The following NHSL1 variants were observed in gnomAD, a reference collection of about 807,000 sequenced individuals.
The protein encoded by NHSL1 is NHS-like protein 1.
Under a neutral mutation model 95.0 loss-of-function variants are expected in NHSL1, and 48 were observed. That is an observed-to-expected ratio of 0.51 (90% confidence interval 0.40 to 0.64). The LOEUF is 0.64. NHSL1 is among the 30% of genes least tolerant of loss of function. The probability of loss-of-function intolerance (pLI) is 0.00; values close to 1 mark genes in which losing one functional copy is unlikely to be tolerated. For synonymous variants in NHSL1, 783 were observed against 833.9 expected (o/e 0.94, Z 1.05); for missense variants, 1,971 against 2,077.7 (o/e 0.95, Z 1.00).
intron 1 of NHSL1, among the ~76,000 whole-genome samples, chr6:138,566,703 C>A (rs1783631718): frequency 6.6e-6 from 1 of 150,850 alleles, no homozygotes; most frequent in Non-Finnish European, 1.5e-5. Context: ...CGAACTTCAA[C>A]AATTTAATTT....
In NHSL1 at chr6:138,514,484, A is replaced by T. The variant is rs538509647; in HGVS notation, c.17-18113T>A. 3.9e-5 allele frequency among the ~76,000 whole-genome samples: 6 copies of T among 152,220 alleles called. No homozygotes were observed. The South Asian group carries it at 1.2e-3, about 31-fold the overall frequency. ...ACATATGCTACATTTATTCCTACAC[A>T]TACATATCCACGATAAAGTTTCATT... On this transcript the variant is annotated intron_variant, in intron 1 of 4. Coordinates refer to the NHSL1 transcript ENST00000342260.
At chr6:138,494,873 TCCTC>T (rs1216704594) in intron 2 of NHSL1, among the ~76,000 whole-genome samples, 4 of 152,220 alleles carry the variant, frequency 2.6e-5, no homozygotes, top group African/African-American at 9.6e-5. Context: ...AGTCACTCCT[TCCTC>T]TTTGAAGAAC....
intron 3 of NHSL1, among the ~76,000 whole-genome samples, chr6:138,472,010 C>T (rs1338487735): frequency 3.3e-5 from 5 of 152,028 alleles, no homozygotes; most frequent in African/African-American, 1.2e-4. Flanking sequence ...GGTGAAACCC[C>T]GTATCTACTG....
At chr6:138,692,620 C>T (rs1175298540), upstream of NHSL1, 4 of 173,762 alleles carry the variant, frequency 2.3e-5, no homozygotes, top group South Asian at 3.6e-4. The surrounding 1 kb of genome is among the most constrained non-coding windows in gnomAD (Gnocchi z 4.0). Flanking sequence ...CGCGACAGGT[C>T]GGCCAGCTGC....
At chr6:138,608,407 T>C (rs2114586290) in intron 1 of NHSL1, among the ~76,000 whole-genome samples, 2 of 152,314 alleles carry the variant, frequency 1.3e-5, no homozygotes, top group South Asian at 4.1e-4. Context: ...ATTAGGTCAT[T>C]TTCAAGTTCT....
rs185151029 is a variant in NHSL1 at position 138,679,867 on chromosome 6, A to G, written c.96+12609T>C. Among the ~76,000 whole-genome samples the G allele has an allele frequency of 3.9e-3, 601 of 152,306 alleles. 1 individual carries two copies. The highest frequency in any genetic ancestry group is 6.9e-3 in the Non-Finnish European group (471 of 68,016). On this transcript the variant is annotated intron_variant, in intron 1 of 3. Transcript: ENST00000491526. ...TTTCTCTGTTCTCATGAACAGAGAA[A>G]GATGCACCCACTTCAGTTTAAAATG...
chr6:138,547,143 C>T (rs1340006592), upstream of NHSL1, among the ~76,000 whole-genome samples: 2 of 152,140 alleles, frequency 1.3e-5, no homozygotes, highest in Non-Finnish European at 2.9e-5. Context: ...AGTAAGGATG[C>T]TCTATGTTCT....
chr6:138,426,752 T>C (rs1775289601), intron 7 of NHSL1, among the ~76,000 whole-genome samples: 1 of 152,126 alleles, frequency 6.6e-6, no homozygotes, highest in Admixed American at 6.5e-5. Context: ...AAGGACCCAA[T>C]ACAGGGTCTG....
intron 2 of NHSL1, among the ~76,000 whole-genome samples, chr6:138,485,784 C>T (rs929285052): frequency 1.3e-5 from 2 of 152,218 alleles, no homozygotes; most frequent in East Asian, 3.8e-4. Flanking sequence ...AACTTTCCCT[C>T]AGGACAAAAA....
chr6:138,492,002 C>T (rs1181262887), intron 2 of NHSL1, among the ~76,000 whole-genome samples: 1 of 152,128 alleles, frequency 6.6e-6, no homozygotes, highest in East Asian at 1.9e-4. Context: ...GAATCATTAC[C>T]TAAATCTCCA....
At chr6:138,508,001 C>G (rs1781043614) in intron 1 of NHSL1, among the ~76,000 whole-genome samples, 1 of 152,172 alleles carries the variant, frequency 6.6e-6, no homozygotes, top group South Asian at 2.1e-4. Flanking sequence ...TGTGCTGAAG[C>G]TAAAGGCTTC....
At chr6:138,469,914 T>C (rs1778644404) in intron 3 of NHSL1, among the ~76,000 whole-genome samples, 1 of 151,978 alleles carries the variant, frequency 6.6e-6, no homozygotes, top group Non-Finnish European at 1.5e-5. Context: ...AAATGGTTAA[T>C]ACAACACTGA....
chr6:138,519,301 C>T (rs771350578), intron 1 of NHSL1, among the ~76,000 whole-genome samples: 1 of 151,728 alleles, frequency 6.6e-6, no homozygotes, highest in Non-Finnish European at 1.5e-5. Flanking sequence ...GCTCTGTCAC[C>T]CAATTTTCCT....
rs906811497 is a variant in NHSL1, at chr6:138,617,062, T to C, written c.96+75414A>G. 3.3e-5 allele frequency among the ~76,000 whole-genome samples: 5 copies of C among 152,200 alleles called. No individual in the cohort carries two copies. The East Asian group carries it at 9.6e-4, about 29-fold the overall frequency. ...TGTCTATTTGGGAAGATAAATTATA[T>C]GGTTCACATAAAGCAATAAGCAAAT... is the stretch of plus-strand genomic sequence containing the variant. On this transcript the variant is annotated intron_variant, in intron 1 of 3. Transcript: ENST00000491526.
At chr6:138,543,812 A>G (rs1003015034) in intron 1 of NHSL1, among the ~76,000 whole-genome samples, 1 of 152,232 alleles carries the variant, frequency 6.6e-6, no homozygotes, top group African/African-American at 2.4e-5. Flanking sequence ...TCAACAAGCT[A>G]TAAGTCACAG....
At chr6:138,444,633 A>T (rs1372937300) in intron 4 of NHSL1, among the ~76,000 whole-genome samples, 1 of 151,688 alleles carries the variant, frequency 6.6e-6, no homozygotes, top group African/African-American at 2.4e-5. Context: ...TAGAGGCTCA[A>T]TGCTCACCCC....
intron 1 of NHSL1, among the ~76,000 whole-genome samples, chr6:138,584,476 T>C (rs1442969108): frequency 2.6e-5 from 4 of 152,220 alleles, no homozygotes; most frequent in African/African-American, 9.6e-5. Flanking sequence ...AATCCATAAG[T>C]AGAAGGGCTA....
chr6:138,573,485 C>G (rs1477081951), upstream of NHSL1, among the ~76,000 whole-genome samples: 2 of 152,118 alleles, frequency 1.3e-5, no homozygotes, highest in African/African-American at 4.8e-5. Context: ...AATTTTAAAA[C>G]CAGAATTTTG....
At chr6:138,631,632 T>C (rs1430019677) in intron 1 of NHSL1, among the ~76,000 whole-genome samples, 1 of 152,066 alleles carries the variant, frequency 6.6e-6, no homozygotes, top group African/African-American at 2.4e-5. Flanking sequence ...ACTTGTTGCC[T>C]TGAAAGGAAG....
Sources: gnomAD v4.1 joint callset for allele counts (sites outside exome capture counted in the v4.1 genomes callset) on GRCh38, gnomAD v4.1.1 for gene constraint, Gnocchi (gnomAD v3.1) non-coding constraint, MANE v1.5 for transcripts, NCBI Gene and HGNC (gene_info 2026-07-23, HGNC 2026-07-21) for gene names.